CLEC2D: variants seen among roughly 807,000 people sequenced by gnomAD.
CLEC2D encodes C-type lectin related f.
Under a neutral mutation model 20.0 loss-of-function variants are expected in CLEC2D, and 16 were observed. The ratio of observed to expected loss-of-function variants is 0.80; its 90% CI spans 0.54 to 1.22. The LOEUF (loss-of-function observed/expected upper bound fraction) is 1.22, where lower values mean the gene tolerates loss of function less well. Among genes scored for constraint, CLEC2D ranks in the 50% most tolerant of loss-of-function variants. The probability of loss-of-function intolerance (pLI) is 0.00; values close to 1 mark genes in which losing one functional copy is unlikely to be tolerated. For synonymous variants in CLEC2D, 77 were observed against 71.1 expected (o/e 1.08, Z -0.42); for missense variants, 207 against 221.5 (o/e 0.93, Z 0.42).
rs1461547175 is a variant in CLEC2D, at chr12:9,699,024, A to G, written c.*4150A>G. ...GAATGAAGTCTCTTAACCCACCTGG[A>G]TAGATTTTTCTCACAAACCATTGTC... is the stretch of plus-strand genomic sequence containing the variant. On this transcript the variant is annotated 3_prime_UTR_variant, in exon 5 of 5. Coordinates refer to ENST00000290855, the MANE Select transcript of CLEC2D (RefSeq NM_013269.6). The G allele has an allele frequency of 1.3e-5, 2 of 152,178 alleles. No homozygotes were observed. The highest frequency in any genetic ancestry group is 2.4e-5 in the African/African-American group (1 of 41,438). The allele number at this position is 152,178 out of a possible 1,614,324, so 9.4% of individuals were successfully genotyped here. A position where few individuals can be genotyped will look rare whatever the true frequency, so the allele number is the denominator to read the frequency against.
intron 1 of CLEC2D, among the ~76,000 whole-genome samples, chr12:9,673,232 C>T (rs1270579251): frequency 6.6e-6 from 1 of 152,176 alleles, no homozygotes; most frequent in Non-Finnish European, 1.5e-5. Flanking sequence ...GACTGATGAC[C>T]TTTGAATGGG....
At chr12:9,678,291 G>A (rs1286655348) in intron 1 of CLEC2D, among the ~76,000 whole-genome samples, 2 of 151,932 alleles carry the variant, frequency 1.3e-5, no homozygotes, top group Non-Finnish European at 2.9e-5. Flanking sequence ...AGCTTCTCCT[G>A]CTTTCTTTTG....
chr12:9,689,797 A>G (rs1865825535), intron 3 of CLEC2D, among the ~76,000 whole-genome samples: 1 of 152,120 alleles, frequency 6.6e-6, no homozygotes, highest in Non-Finnish European at 1.5e-5. Flanking sequence ...TGAAAATAAG[A>G]TAATTGAAAC....
intron 1 of CLEC2D, among the ~76,000 whole-genome samples, chr12:9,670,894 G>A (rs1048206481): frequency 6.6e-6 from 1 of 152,142 alleles, no homozygotes; most frequent in African/African-American, 2.4e-5. Flanking sequence ...CATCTTTAGT[G>A]TGCCAATTAG....
chr12:9,676,396 G>A (rs764743651), intron 1 of CLEC2D, among the ~76,000 whole-genome samples: 17 of 152,192 alleles, frequency 1.1e-4, no homozygotes, highest in South Asian at 4.1e-4. Flanking sequence ...ACAAATGGGC[G>A]TTGAATTTTG....
intron 1 of CLEC2D, among the ~76,000 whole-genome samples, chr12:9,671,516 G>A (rs747726520): frequency 1.6e-4 from 25 of 152,324 alleles, no homozygotes; most frequent in African/African-American, 4.3e-4. Flanking sequence ...CACCGCGCCC[G>A]GCCGAGGATT....
At chr12:9,686,464 A>C (rs1299241198) in intron 2 of CLEC2D, among the ~76,000 whole-genome samples, 1 of 152,178 alleles carries the variant, frequency 6.6e-6, no homozygotes, top group Non-Finnish European at 1.5e-5. Flanking sequence ...TTGTGATACC[A>C]AACCAGATAC....
At position 9,696,392 on chromosome 12, in the gene CLEC2D, G is replaced by T; in HGVS notation, c.*1518G>T. ...TTGCCAAGAATGTGTTGTCCAAAAT[G>T]CCTGTTTAGTTTTTAAAGATGGAAC... On this transcript the variant is annotated 3_prime_UTR_variant, in exon 5 of 5. Transcript: ENST00000290855. 2.1e-6 allele frequency: 1 copy of T among 487,364 alleles called. No homozygotes were observed. Among genetic ancestry groups the T allele is most frequent in the Non-Finnish European group, 3.7e-6 (1 of 267,230 alleles). The allele number at this position is 487,364 out of a possible 1,614,324, so 30.2% of individuals were successfully genotyped here. A position where few individuals can be genotyped will look rare whatever the true frequency, so the allele number is the denominator to read the frequency against.
chr12:9,682,278 G>A (rs769611864), intron 2 of CLEC2D, among the ~76,000 whole-genome samples: 1 of 152,190 alleles, frequency 6.6e-6, no homozygotes, highest in South Asian at 2.1e-4. Context: ...CTATTCAAGT[G>A]TGGTATTTCC....
rs1866057774 is a variant in CLEC2D at position 9,698,674 on chromosome 12, A to G, written c.*3800A>G. On this transcript the variant is annotated 3_prime_UTR_variant, in exon 5 of 5. Transcript: ENST00000290855. The stretch of plus-strand genomic sequence containing the variant: ...ACAAATGAAATTGCATAAAATAAAA[A>G]ATGTTTCTGCACAGCAAAGGAAATA... 6.6e-6 allele frequency: 1 copy of G among 152,214 alleles called. No homozygotes were observed. Among genetic ancestry groups the G allele is most frequent in the Non-Finnish European group, 1.5e-5 (1 of 68,038 alleles). 9.4% of individuals were successfully genotyped at this position (152,214 alleles called of 1,614,324 possible).
chr12:9,675,113 C>T (rs996863696), intron 1 of CLEC2D, among the ~76,000 whole-genome samples: 7 of 151,122 alleles, frequency 4.6e-5, no homozygotes, highest in African/African-American at 1.7e-4. Flanking sequence ...GATCAGTTGA[C>T]TATATTTATC....
chr12:9,673,033 G>A (rs1397767117), intron 1 of CLEC2D, among the ~76,000 whole-genome samples: 2 of 152,030 alleles, frequency 1.3e-5, no homozygotes, highest in African/African-American at 2.4e-5. Context: ...AGCGAAATTC[G>A]TTATTACCAA....
At chr12:9,671,462 C>T (rs375054286) in intron 1 of CLEC2D, among the ~76,000 whole-genome samples, 4 of 152,152 alleles carry the variant, frequency 2.6e-5, no homozygotes, top group Middle Eastern at 6.8e-3. Context: ...CTTTGTGATC[C>T]GCCCGCCTCG....
At position 9,675,761 on chromosome 12, in the gene CLEC2D, C is replaced by G. The variant is rs779689377; in HGVS notation, c.62-5162C>G. On this transcript the variant is annotated intron_variant, in intron 1 of 4. Coordinates refer to ENST00000290855, the MANE Select transcript of CLEC2D (RefSeq NM_013269.6). The stretch of plus-strand genomic sequence containing the variant: ...GATATCTTGGCAATGTTGAGTCTTT[C>G]TCTCCATGAACATAAAATACTTCTC... 3.3e-5 allele frequency among the ~76,000 whole-genome samples: 5 copies of G among 152,252 alleles called. No homozygotes were observed. The South Asian group carries it at 8.3e-4, about 25-fold the overall frequency.
rs61422237 is a variant in CLEC2D at position 9,695,855 on chromosome 12, CTGATGA to C, written c.*994_*999del. The C allele has an allele frequency of 3.8e-4, 372 of 988,852 alleles. 4 individuals are homozygous for C. The South Asian group carries it at 4.3e-3, about 11-fold the overall frequency. 61.3% of individuals were successfully genotyped at this position (988,852 alleles called of 1,614,324 possible). On this transcript the variant is annotated 3_prime_UTR_variant, in exon 5 of 5. Coordinates refer to ENST00000290855, the MANE Select transcript of CLEC2D (RefSeq NM_013269.6). ...AAAAAAGTAAAACTTGCTGCTGCTG[CTGATGA>C]TGATGATGATGAAGATGATGATGAT...
chr12:9,695,192 G>C lies in CLEC2D; in HGVS notation c.*318G>C. The C allele has an allele frequency of 1.7e-6, 1 of 592,750 alleles. No individual in the cohort carries two copies. The highest frequency in any genetic ancestry group is 3.0e-6 in the Non-Finnish European group (1 of 332,710). 36.7% of individuals were successfully genotyped at this position (592,750 alleles called of 1,614,324 possible). On this transcript the variant is annotated 3_prime_UTR_variant, in exon 5 of 5. Transcript: ENST00000290855. Reference sequence around the variant, plus strand: ...TGACAGAAGGCAAATGGGAAGCAAAGTCATGTCTTATGTGGTGGCAGGCAG... The same window carrying C: ...TGACAGAAGGCAAATGGGAAGCAAACTCATGTCTTATGTGGTGGCAGGCAG...
At position 9,694,867 on chromosome 12, in the gene CLEC2D, A is replaced by C. The variant is rs200901665; in HGVS notation, c.569A>C (p.His190Pro). The C allele has an allele frequency of 6.5e-5, 100 of 1,547,034 alleles. 2 individuals carry two copies. The highest frequency in any genetic ancestry group is 8.4e-5 in the Admixed American group (5 of 59,852). ...RKWICSKSDI[H>P]V Reference sequence around the variant, plus strand: ...TGGATTTGTTCCAAATCAGATATACATGTCTAGATGTTACAGCAAAGCCCC... The same window carrying C: ...TGGATTTGTTCCAAATCAGATATACCTGTCTAGATGTTACAGCAAAGCCCC... The change falls in exon 5 of 5, where the codon CAT becomes CCT. Residue 190 changes from histidine to proline, a missense_variant. By Grantham distance (77) the His-to-Pro change is moderately conservative (BLOSUM62 -2). Coordinates refer to ENST00000290855, the MANE Select transcript of CLEC2D (RefSeq NM_013269.6).
intron 3 of CLEC2D, 99 bp downstream of exon 3, chr12:9,688,185 CATTG>C: frequency 3.3e-6 from 3 of 908,630 alleles, no homozygotes; most frequent in Non-Finnish European, 4.1e-6. Context: ...TCTGCTTTTA[CATTG>C]ATTTTTTTTT....
At chr12:9,693,121 G>A (rs1865902911) in intron 4 of CLEC2D, 190 bp downstream of exon 4, 1 of 1,603,466 alleles carries the variant, frequency 6.2e-7, no homozygotes. Flanking sequence ...TCATGGTGAG[G>A]TAGACTGACT....
Sources: gnomAD v4.1 joint callset for allele counts (sites outside exome capture counted in the v4.1 genomes callset) on GRCh38, gnomAD v4.1.1 for gene constraint, MANE v1.5 for transcripts, NCBI Gene and HGNC (gene_info 2026-07-23, HGNC 2026-07-21) for gene names.